The following PPP1CB variants were observed in gnomAD, a reference collection of about 807,000 sequenced individuals.
PPP1CB encodes protein phosphatase 1 catalytic subunit beta.
PPP1CB carries 2 observed loss-of-function variants against 43.7 expected under a neutral mutation model. That is an observed-to-expected ratio of 0.05 (90% CI 0.02 to 0.14). The LOEUF is 0.14. PPP1CB is among the 10% of genes least tolerant of loss of function. The probability of loss-of-function intolerance (pLI) is 1.00; values close to 1 mark genes in which losing one functional copy is unlikely to be tolerated. For synonymous variants in PPP1CB, 136 were observed against 135.6 expected, an observed-to-expected ratio of 1.00 and a Z score of -0.02; for missense variants, 84 against 398.0, an observed-to-expected ratio of 0.21 and a Z score of 6.71.
chr2:28,789,814 C>G (rs943824741), intron 6 of PPP1CB, among the ~76,000 whole-genome samples: 1 of 151,740 alleles, frequency 6.6e-6, no homozygotes, highest in Non-Finnish European at 1.5e-5. Flanking sequence ...GGCCAGGCTG[C>G]CCTTGAACTC....
In PPP1CB at chr2:28,788,985, G is replaced by A. The variant is rs545125427; in HGVS notation, c.744+176G>A. Among the ~76,000 whole-genome samples, 350 of 152,226 alleles carry A rather than the reference G, an allele frequency of 2.3e-3. 1 individual carries two copies. Among genetic ancestry groups the A allele is most frequent in the Non-Finnish European group, 3.7e-3 (254 of 68,016 alleles). ...CAGTTCTTGTGCCTCAGCCTCCCAA[G>A]TAGCTGGGACGATAGCCGTGTGCCA... On this transcript the variant is annotated intron_variant, in intron 6 of 7. Coordinates refer to ENST00000395366, the MANE Select transcript of PPP1CB (RefSeq NM_002709.3).
chr2:28,775,325 T>C (rs2148047813), intron 1 of PPP1CB, among the ~76,000 whole-genome samples: 1 of 152,268 alleles, frequency 6.6e-6, no homozygotes, highest in South Asian at 2.1e-4. Context: ...CCCAGGGCGA[T>C]CTTGCGCTCC....
chr2:28,765,641 G>T (rs1666763568), intron 1 of PPP1CB, among the ~76,000 whole-genome samples: 1 of 152,242 alleles, frequency 6.6e-6, no homozygotes, highest in African/African-American at 2.4e-5. Context: ...TGCTGACTGG[G>T]TATGGTGGCT....
intron 7 of PPP1CB, among the ~76,000 whole-genome samples, chr2:28,797,949 CCTCTTT>C (rs1249666398): frequency 1.3e-5 from 2 of 152,216 alleles, no homozygotes; most frequent in African/African-American, 4.8e-5. Context: ...CTTTCCCATT[CCTCTTT>C]CTCTTTATCA....
intron 6 of PPP1CB, 83 bp downstream of exon 6, chr2:28,788,892 C>T: frequency 7.4e-7 from 1 of 1,355,798 alleles, no homozygotes; most frequent in Non-Finnish European, 9.8e-7. Flanking sequence ...GATTCTTGTT[C>T]TGTCACCCAG....
At chr2:28,774,440 T>C (rs1666986080) in intron 1 of PPP1CB, among the ~76,000 whole-genome samples, 1 of 152,198 alleles carries the variant, frequency 6.6e-6, no homozygotes, top group Admixed American at 6.5e-5. Context: ...ATACTTTTTT[T>C]TTGAGACAGA....
intron 1 of PPP1CB, among the ~76,000 whole-genome samples, chr2:28,770,380 AAG>A (rs758290453): frequency 1.8e-4 from 3 of 16,418 alleles, no homozygotes; most frequent in East Asian, 0.012. Flanking sequence ...AAGTAAAAAA[AAG>A]GGGGGGGGGA....
At chr2:28,787,715 A>G (rs1007755318) in intron 5 of PPP1CB, among the ~76,000 whole-genome samples, 1 of 152,142 alleles carries the variant, frequency 6.6e-6, no homozygotes, top group East Asian at 1.9e-4. Flanking sequence ...GGATACGTTT[A>G]CTATACTAAG....
At chr2:28,797,151 ATG>A (rs1433190671) in intron 7 of PPP1CB, among the ~76,000 whole-genome samples, 1 of 151,976 alleles carries the variant, frequency 6.6e-6, no homozygotes, top group Non-Finnish European at 1.5e-5. Context: ...TAACTTTTTG[ATG>A]TGTTGCTGGA....
intron 1 of PPP1CB, among the ~76,000 whole-genome samples, chr2:28,757,822 A>G (rs1160130437): frequency 2.6e-5 from 4 of 152,076 alleles, no homozygotes; most frequent in Admixed American, 6.6e-5. Flanking sequence ...TGCTATCTGA[A>G]TGCAGACCTG....
At position 28,751,960 on chromosome 2, in the gene PPP1CB, C is replaced by A. The variant is rs1374210178; in HGVS notation, c.-165C>A. 2 of 658,638 alleles carry A rather than the reference C, an allele frequency of 3.0e-6. No homozygotes were observed. The highest frequency in any genetic ancestry group is 5.3e-6 in the Non-Finnish European group (2 of 377,698). 40.8% of individuals were successfully genotyped at this position (658,638 alleles called of 1,614,324 possible). ...CCGAGTGTGCGCGCGCTCTCGCTAC[C>A]CGGCGGGGAGGGGGTGGGGGGAGGG... On this transcript the variant is annotated 5_prime_UTR_variant, in exon 1 of 8. Transcript: ENST00000395366.
chr2:28,766,529 A>G (rs988478422), intron 1 of PPP1CB, among the ~76,000 whole-genome samples: 1 of 152,220 alleles, frequency 6.6e-6, no homozygotes, highest in African/African-American at 2.4e-5. Context: ...AGGTTGTACT[A>G]AAATAGTTTT....
At chr2:28,753,472 A>G (rs761153038) in intron 1 of PPP1CB, among the ~76,000 whole-genome samples, 1 of 152,218 alleles carries the variant, frequency 6.6e-6, no homozygotes, top group Non-Finnish European at 1.5e-5. Flanking sequence ...AAGACTGAAT[A>G]GGAAGCAAAA....
chr2:28,769,234 A>G (rs1369569386), intron 1 of PPP1CB, among the ~76,000 whole-genome samples: 1 of 152,178 alleles, frequency 6.6e-6, no homozygotes, highest in Non-Finnish European at 1.5e-5. Context: ...ATGACAACCT[A>G]GAATTCTTTA....
rs1301922792 is a variant in PPP1CB at position 28,799,302 on chromosome 2, G to A, written c.983G>A (p.Ter328=). 2 of 1,584,494 alleles carry A rather than the reference G, an allele frequency of 1.3e-6. No homozygotes were observed. The highest frequency in any genetic ancestry group is 2.2e-5 in the East Asian group (1 of 44,698). The part of the protein sequence containing the change: ...PRTANPPKKR[*] ...ACAGCTAATCCGCCGAAGAAAAGGT[G>A]AAGAAAGGAATTCTGTAAAGAAACC... Residue 328 remains the stop codon, a stop_retained_variant, in exon 8 of 8, where the codon TGA becomes TAA. Coordinates refer to ENST00000395366, the MANE Select transcript of PPP1CB (RefSeq NM_002709.3).
At chr2:28,780,097 T>C (rs1667126828) in intron 3 of PPP1CB, among the ~76,000 whole-genome samples, 1 of 132,608 alleles carries the variant, frequency 7.5e-6, no homozygotes, top group Non-Finnish European at 1.6e-5. Flanking sequence ...TTTTTTTTTT[T>C]TTTTTTTTGA....
At position 28,759,520 on chromosome 2, in the gene PPP1CB, CAAAA is replaced by C. The variant is rs559532367; in HGVS notation, c.52+7367_52+7370del. On this transcript the variant is annotated intron_variant, in intron 1 of 7. Transcript: ENST00000395366. ...GGGCGAAAGAGTGAGACTGCATCTC[CAAAA>C]AAAAAAAAAAAAAAAAAAAAAAGTA... Among the ~76,000 whole-genome samples, 400 of 100,728 alleles carry C rather than the reference CAAAA, an allele frequency of 4.0e-3. 3 individuals are homozygous for C. The highest frequency in any genetic ancestry group is 0.013 in the African/African-American group (358 of 27,382). 66.1% of individuals were successfully genotyped at this position (100,728 alleles called of 152,430 possible). A position where few individuals can be genotyped will look rare whatever the true frequency, so the allele number is the denominator to read the frequency against.
In PPP1CB at chr2:28,781,348, A is replaced by G. The variant is rs115101507; in HGVS notation, c.416-390A>G. Reference sequence around the variant, plus strand: ...CCTCAAAAAGTTAGCATTTTGGGAGAAAACAACACTTAAAATTTACTCTTA... The same window carrying G: ...CCTCAAAAAGTTAGCATTTTGGGAGGAAACAACACTTAAAATTTACTCTTA... On this transcript the variant is annotated intron_variant, in intron 3 of 7. Coordinates refer to ENST00000395366, the MANE Select transcript of PPP1CB (RefSeq NM_002709.3). Among the ~76,000 whole-genome samples the G allele has an allele frequency of 6.6e-3, 999 of 152,276 alleles. 10 individuals carry two copies. The highest frequency in any genetic ancestry group is 0.022 in the African/African-American group (906 of 41,566).
rs377535277 is a variant in PPP1CB, at chr2:28,794,527, A to G, written c.879+530A>G. Among the ~76,000 whole-genome samples, 77 of 152,194 alleles carry G rather than the reference A, an allele frequency of 5.1e-4. 1 individual carries two copies. The highest frequency in any genetic ancestry group is 1.7e-3 in the African/African-American group (71 of 41,520). On this transcript the variant is annotated intron_variant, in intron 7 of 7. Transcript: ENST00000395366. ...AACACTGTGAAACCCCATCTCTACT[A>G]AAAATACAAAAAAATTAGCCGGGCG...
Sources: allele counts gnomAD v4.1 joint callset (sites outside exome capture counted in the v4.1 genomes callset), GRCh38; gene constraint gnomAD v4.1.1; transcripts MANE v1.5; gene names NCBI Gene and HGNC (gene_info 2026-07-23, HGNC 2026-07-21).